The following PXN variants were observed in gnomAD, a reference collection of about 807,000 sequenced individuals.
The protein encoded by PXN is paxillin.
In PXN, 61 loss-of-function variants were observed where a neutral mutation model predicts 103.6. That is an observed-to-expected ratio of 0.59 (90% CI 0.48 to 0.73). PXN has a LOEUF of 0.73. Among genes scored for constraint, PXN ranks in the 30% least tolerant of loss-of-function variants. The probability of loss-of-function intolerance (pLI) is 0.00; values close to 1 mark genes in which losing one functional copy is unlikely to be tolerated. For synonymous variants in PXN, 562 were observed against 607.8 expected (o/e 0.92, Z 1.11); for missense variants, 1,274 against 1,460.3 (o/e 0.87, Z 2.08).
At chr12:120,245,170 C>T (rs1890845917) in intron 1 of PXN, among the ~76,000 whole-genome samples, 1 of 152,038 alleles carries the variant, frequency 6.6e-6, no homozygotes, top group Non-Finnish European at 1.5e-5. Flanking sequence ...ACACCTCTCC[C>T]CATGGAGCAG....
chr12:120,225,944 T>C lies in PXN; in HGVS notation c.14-1567A>G. The C allele has an allele frequency of 1.9e-6, 1 of 519,556 alleles. No homozygotes were observed. The highest frequency in any genetic ancestry group is 2.6e-6 in the Non-Finnish European group (1 of 382,610). The allele number at this position is 519,556 out of a possible 1,614,324, so 32.2% of individuals were successfully genotyped here. A position where few individuals can be genotyped will look rare whatever the true frequency, so the allele number is the denominator to read the frequency against. ...TGCCCAGATGGACAGAGGGGATGTC[T>C]GTTCCAAGGCCCAGGACCCCGGGTC... On this transcript the variant is annotated intron_variant, in intron 1 of 14. Transcript: ENST00000637617. This position sits in a 1 kb window ranked among gnomAD's most constrained non-coding sequence, Gnocchi z 4.4.
chr12:120,258,672 G>C (rs1893394655), intron 1 of PXN, among the ~76,000 whole-genome samples: 1 of 152,206 alleles, frequency 6.6e-6, no homozygotes, highest in South Asian at 2.1e-4. Context: ...CACTTAGATT[G>C]AATGGCTGTC....
intron 1 of PXN, among the ~76,000 whole-genome samples, chr12:120,262,816 C>G (rs951688144): frequency 1.3e-5 from 2 of 152,110 alleles, no homozygotes; most frequent in African/African-American, 4.8e-5. Flanking sequence ...TGGGCCAAAC[C>G]AGCATCTAAA....
intron 1 of PXN, among the ~76,000 whole-genome samples, chr12:120,259,893 C>A (rs1404494126): frequency 6.6e-6 from 1 of 152,230 alleles, no homozygotes; most frequent in African/African-American, 2.4e-5. Flanking sequence ...TCCTCTCCCC[C>A]TCCCATAGGA....
Position 120,219,742 on chromosome 12 carries a change from A to G in PXN, c.1181T>C (p.Leu394Pro). ...WRHLPTITSELSGAPRCHTVP... is the reference protein window; with the variant it reads ...WRHLPTITSEPSGAPRCHTVP... ...AGTGTGGCAGCGGGGAGCCCCAGAG[A>G]GCTCACTTGTGATGGTCGGCAGGTG... The change falls in exon 7 of 15, where the codon CTC becomes CCC. Residue 394 changes from leucine (L) to proline (P), a missense_variant. Around this residue, in one of 2 missense-constraint regions of PXN, gnomAD observed 1,178 missense variants for 1,309.0 expected, o/e 0.90. Transcript: ENST00000637617. This position sits in a 1 kb window ranked among gnomAD's most constrained non-coding sequence, Gnocchi z 6.5. 1 of 1,596,856 alleles carries G rather than the reference A, an allele frequency of 6.3e-7. No homozygotes were observed. Among genetic ancestry groups the G allele is most frequent in the East Asian group, 2.2e-5 (1 of 44,816 alleles).
At chr12:120,248,792 G>C (rs1891654937) in intron 1 of PXN, 1 of 152,148 alleles carries the variant, frequency 6.6e-6, no homozygotes, top group African/African-American at 2.4e-5. Flanking sequence ...GGGAACGTAA[G>C]GGAGGTATTT....
In PXN at chr12:120,215,582, G is replaced by A. The variant is rs1351983739; in HGVS notation, c.2381C>T (p.Pro794Leu). Residue 794 changes from proline to leucine, a missense_variant, in exon 10 of 15, where the codon CCC becomes CTC. This residue lies in a region of PXN where 1,178 missense variants were observed against 1,309.0 expected (regional missense o/e 0.90). Coordinates refer to ENST00000637617, the MANE Select transcript of PXN (RefSeq NM_001385981.1). This position sits in a 1 kb window ranked among gnomAD's most constrained non-coding sequence, Gnocchi z 4.9. ...GACCCCTCCCTCGTCCTGCCCTCCGGGGCTGCTCCGCCCGCCGTCCCGAGG... is the reference window on the plus strand; with the variant it reads ...GACCCCTCCCTCGTCCTGCCCTCCGAGGCTGCTCCGCCCGCCGTCCCGAGG... ...GWPRDGGRSSPGGQDEGGFMA... is the reference protein window; with the variant it reads ...GWPRDGGRSSLGGQDEGGFMA... 1.9e-6 allele frequency: 3 copies of A among 1,605,830 alleles called. No homozygotes were observed. Among genetic ancestry groups the A allele is most frequent in the Non-Finnish European group, 2.5e-6 (3 of 1,177,404 alleles).
intron 1 of PXN, among the ~76,000 whole-genome samples, chr12:120,257,690 G>C (rs983677100): frequency 6.6e-6 from 1 of 152,198 alleles, no homozygotes; most frequent in African/African-American, 2.4e-5. Context: ...AAGGGAGTGG[G>C]GATTCCAGGA....
At position 120,216,825 on chromosome 12, in the gene PXN, G is replaced by A; in HGVS notation, c.1992+16C>T. On this transcript the variant is annotated intron_variant, in intron 8 of 14. Transcript: ENST00000637617. This position sits in a 1 kb window ranked among gnomAD's most constrained non-coding sequence, Gnocchi z 5.1. ...TGGCTCTGGCCCAGCCCCAGCCATGGGCATCTCCTCGCCACCTTCTCTACG... is the reference window on the plus strand; with the variant it reads ...TGGCTCTGGCCCAGCCCCAGCCATGAGCATCTCCTCGCCACCTTCTCTACG... 1 of 1,549,822 alleles carries A rather than the reference G, an allele frequency of 6.5e-7. No individual in the cohort carries two copies. The highest frequency in any genetic ancestry group is 2.3e-5 in the East Asian group (1 of 43,788).
At chr12:120,236,635 C>T (rs1025577369) in intron 1 of PXN, among the ~76,000 whole-genome samples, 1 of 151,942 alleles carries the variant, frequency 6.6e-6, no homozygotes, top group Non-Finnish European at 1.5e-5. Flanking sequence ...TGCCACCACA[C>T]CCAGCTAATT....
In PXN at chr12:120,219,593, A is replaced by G; in HGVS notation, c.1330T>C (p.Phe444Leu). 1.3e-6 allele frequency: 2 copies of G among 1,566,094 alleles called. No homozygotes were observed. Among genetic ancestry groups the G allele is most frequent in the Non-Finnish European group, 1.7e-6 (2 of 1,163,434 alleles). The change falls in exon 7 of 15, where the codon TTC (phenylalanine) becomes CTC (leucine). Residue 444 changes from phenylalanine (F) to leucine (L), a missense_variant. Around this residue, in one of 2 missense-constraint regions of PXN, gnomAD observed 1,178 missense variants for 1,309.0 expected, o/e 0.90. Transcript: ENST00000637617. This position sits in a 1 kb window ranked among gnomAD's most constrained non-coding sequence, Gnocchi z 6.5. ...TWEQPWASEV[F>L]GPERMPPSGA... ...GAGGGGGGCATTCTCTCAGGCCCGAATACCTCCGAAGCCCATGGCTGCTCC... is the reference window on the plus strand; with the variant it reads ...GAGGGGGGCATTCTCTCAGGCCCGAGTACCTCCGAAGCCCATGGCTGCTCC...
chr12:120,229,134 A>G lies in PXN; in HGVS notation c.14-4757T>C, dbSNP rs1270979071. Reference sequence around the variant, plus strand: ...ACCTAGGGGCTCCGGGTGGAAGGAAACCTGGGTCCCCTTGTACCTACAATG... The same window carrying G: ...ACCTAGGGGCTCCGGGTGGAAGGAAGCCTGGGTCCCCTTGTACCTACAATG... On this transcript the variant is annotated intron_variant, in intron 1 of 14. Coordinates refer to ENST00000637617, the MANE Select transcript of PXN (RefSeq NM_001385981.1). This position sits in a 1 kb window ranked among gnomAD's most constrained non-coding sequence, Gnocchi z 4.0. 2.0e-5 allele frequency among the ~76,000 whole-genome samples: 3 copies of G among 152,154 alleles called. No individual in the cohort carries two copies. Among genetic ancestry groups the G allele is most frequent in the African/African-American group, 7.2e-5 (3 of 41,424 alleles).
At position 120,229,065 on chromosome 12, in the gene PXN, T is replaced by G. The variant is rs1015682006; in HGVS notation, c.14-4688A>C. On this transcript the variant is annotated intron_variant, in intron 1 of 14. Coordinates refer to ENST00000637617, the MANE Select transcript of PXN (RefSeq NM_001385981.1). The surrounding 1 kb of genome is among the most constrained non-coding windows in gnomAD (Gnocchi z 4.0). ...GAGGAGGGGACCGGTTCGCCTGCAT[T>G]CCAGGGCAAGTGCTGCAGCTGCATC... 6.6e-6 allele frequency among the ~76,000 whole-genome samples: 1 copy of G among 152,174 alleles called. No individual in the cohort carries two copies. Among genetic ancestry groups the G allele is most frequent in the Non-Finnish European group, 1.5e-5 (1 of 68,018 alleles).
rs1322352499 is a variant in PXN, at chr12:120,243,460, C to T, written c.14-19083G>A. On this transcript the variant is annotated intron_variant, in intron 1 of 14. Transcript: ENST00000637617. Reference sequence around the variant, plus strand: ...ATCCAAGCATTTTGGGAGGCCAAGGCGGGACGATTGCTTGAGGGCAGAAAT... The same window carrying T: ...ATCCAAGCATTTTGGGAGGCCAAGGTGGGACGATTGCTTGAGGGCAGAAAT... Among the ~76,000 whole-genome samples the T allele has an allele frequency of 2.6e-5, 4 of 152,124 alleles. No individual in the cohort carries two copies. The East Asian group carries it at 5.8e-4, about 22-fold the overall frequency.
Position 120,211,994 on chromosome 12 carries a change from C to G in PXN, c.*320G>C, listed in dbSNP as rs781172802. 1 of 613,542 alleles carries G rather than the reference C, an allele frequency of 1.6e-6. No individual in the cohort carries two copies. The highest frequency in any genetic ancestry group is 3.1e-6 in the Non-Finnish European group (1 of 321,496). The allele number at this position is 613,542 out of a possible 1,614,324, so 38.0% of individuals were successfully genotyped here. ...GCTGAAATATGAGGAAGAGATGGCT[C>G]CAGTGTGGGGTGCTGGCCAGGCCAG... is the stretch of plus-strand genomic sequence containing the variant. On this transcript the variant is annotated 3_prime_UTR_variant, in exon 15 of 15. Coordinates refer to ENST00000637617, the MANE Select transcript of PXN (RefSeq NM_001385981.1).
chr12:120,226,659 C>T (rs1468391496), intron 1 of PXN: 3 of 1,166,486 alleles, frequency 2.6e-6, no homozygotes, highest in East Asian at 6.2e-5. Flanking sequence ...GATCCCTAGG[C>T]TGGTGAAGTA....
intron 1 of PXN, among the ~76,000 whole-genome samples, chr12:120,253,935 C>T (rs1892599352): frequency 6.6e-6 from 1 of 152,132 alleles, no homozygotes. Flanking sequence ...AGCTGGAGTG[C>T]AGTGGCGTGA....
intron 1 of PXN, among the ~76,000 whole-genome samples, chr12:120,239,020 G>A (rs1889660092): frequency 6.6e-6 from 1 of 152,216 alleles, no homozygotes; most frequent in Non-Finnish European, 1.5e-5. Flanking sequence ...AAACTGTCGG[G>A]TGGGGCTGCT....
intron 1 of PXN, among the ~76,000 whole-genome samples, chr12:120,227,528 C>A (rs1887130253): frequency 1.3e-5 from 2 of 152,126 alleles, no homozygotes; most frequent in Non-Finnish European, 2.9e-5. Context: ...TCATAGAGTG[C>A]AGATGTCAGG....
Sources: allele counts gnomAD v4.1 joint callset (sites outside exome capture counted in the v4.1 genomes callset), GRCh38; gene constraint gnomAD v4.1.1; regional missense constraint gnomAD v4.1.1; non-coding constraint Gnocchi (gnomAD v3.1); transcripts MANE v1.5; gene names NCBI Gene and HGNC (gene_info 2026-07-23, HGNC 2026-07-21).